CLEC4F: variants seen among roughly 807,000 people sequenced by gnomAD.
The protein encoded by CLEC4F is C-type lectin domain family 4 member F, also known as C-type (calcium dependent, carbohydrate-recognition domain) lectin, superfamily member 13.
In CLEC4F, 45 loss-of-function variants were observed where a neutral mutation model predicts 53.4. That is an observed-to-expected ratio of 0.84 (90% CI 0.66 to 1.08). CLEC4F has a LOEUF of 1.08. Among genes scored for constraint, CLEC4F ranks in the 50% least tolerant of loss-of-function variants. The pLI is 0.00. For missense variants in CLEC4F, 753 were observed against 698.2 expected, an observed-to-expected ratio of 1.08 and a Z score of -0.88; for synonymous variants, 245 against 257.5, an observed-to-expected ratio of 0.95 and a Z score of 0.46.
chr2:70,811,383 T>C lies in CLEC4F; in HGVS notation c.1539+1064A>G, dbSNP rs562669401. ...AGCAGCTAGTGTACTGTCCATTTTA[T>C]CAAAGGATTCATCAGGCCAATTATA... On this transcript the variant is annotated intron_variant, in intron 5 of 6. Transcript: ENST00000272367. 1.7e-5 allele frequency: 13 copies of C among 782,988 alleles called. No homozygotes were observed. The East Asian group carries it at 3.9e-4, about 24-fold the overall frequency. The allele number at this position is 782,988 out of a possible 1,614,324, so 48.5% of individuals were successfully genotyped here.
At chr2:70,822,622 T>A (rs1548891), upstream of CLEC4F, among the ~76,000 whole-genome samples, 1 of 152,104 alleles carries the variant, frequency 6.6e-6, no homozygotes, top group Admixed American at 6.5e-5. Context: ...AAGCCAGTGC[T>A]GGGGTTACCA....
intron 5 of CLEC4F, among the ~76,000 whole-genome samples, chr2:70,811,847 G>A (rs532722773): frequency 6.6e-6 from 1 of 152,234 alleles, no homozygotes; most frequent in South Asian, 2.1e-4. Flanking sequence ...CCACTTCGGT[G>A]AATAACTTGA....
Position 70,809,755 on chromosome 2 carries a change from C to A in CLEC4F, c.1642G>T (p.Ala548Ser), listed in dbSNP as rs1302121141. The A allele has an allele frequency of 6.2e-7, 1 of 1,613,904 alleles. No homozygotes were observed. The highest frequency in any genetic ancestry group is 1.7e-5 in the Admixed American group (1 of 60,028). Residue 548 changes from alanine to serine, a missense_variant, in exon 6 of 7, where the codon GCC becomes TCC. By Grantham distance (99) the Ala-to-Ser change is moderately conservative. Transcript: ENST00000272367. ...TAGACTCACGCTTTGTTCTGGGCGG[C>A]GTTGAATGGTGTCCCATCTGTCCAG... The part of the protein sequence containing the change: ...WRWTDGTPFN[A>S]AQNKAPGSKG...
At position 70,816,419 on chromosome 2, in the gene CLEC4F, C is replaced by A. The variant is rs1278296994; in HGVS notation, c.962G>T (p.Arg321Ile). The A allele has an allele frequency of 1.2e-6, 2 of 1,614,000 alleles. No homozygotes were observed. The highest frequency in any genetic ancestry group is 1.3e-5 in the African/African-American group (1 of 74,922). The stretch of plus-strand genomic sequence containing the variant: ...ATCACCAGCTCTTTCCAAATGACCT[C>A]TTAAGAACTGGATCTCAGCACTAGT... ...DNTSAEIQFL[R>I]GHLERAGDEI... The change falls in exon 4 of 7, where the codon AGA becomes ATA. Residue 321 changes from arginine to isoleucine, a missense_variant. By Grantham distance (97) the Arg-to-Ile change is moderately conservative. Transcript: ENST00000272367.
Position 70,820,553 on chromosome 2 carries a change from C to G in CLEC4F, c.-30G>C, listed in dbSNP as rs199899515. 7.7e-5 allele frequency: 121 copies of G among 1,566,898 alleles called. No individual in the cohort carries two copies. The highest frequency in any genetic ancestry group is 9.8e-5 in the Non-Finnish European group (113 of 1,154,372). ...GCTTCCTTGATCCTCCAGCACTGCT[C>G]CCAGCCACTGGCTCCTGGAAGGGCC... On this transcript the variant is annotated 5_prime_UTR_variant, in exon 1 of 7. Transcript: ENST00000272367.
upstream of CLEC4F, among the ~76,000 whole-genome samples, chr2:70,824,621 C>CAA (rs1388918958): frequency 6.2e-3 from 238 of 38,240 alleles, 20 homozygotes; most frequent in South Asian, 0.01. Context: ...TGCTTAGTTA[C>CAA]CAAAAAAAAA....
upstream of CLEC4F, among the ~76,000 whole-genome samples, chr2:70,824,609 G>A (rs74446988): frequency 0.59 from 62,555 of 105,372 alleles, 18,293 homozygotes; most frequent in Middle Eastern, 0.72. Context: ...AAAGTAAGGA[G>A]ATGCTTAGTT....
upstream of CLEC4F, among the ~76,000 whole-genome samples, chr2:70,824,304 T>C (rs1221386565): frequency 6.6e-6 from 1 of 152,120 alleles, no homozygotes; most frequent in Non-Finnish European, 1.5e-5. Context: ...TTTTATTCCG[T>C]TCGTCTCCTA....
rs1676388681 is a variant in CLEC4F at position 70,809,027 on chromosome 2, C to T, written c.*244G>A. 6.8e-7 allele frequency: 1 copy of T among 1,473,478 alleles called. No homozygotes were observed. Among genetic ancestry groups the T allele is most frequent in the Non-Finnish European group, 9.2e-7 (1 of 1,089,518 alleles). The allele number at this position is 1,473,478 out of a possible 1,614,324, so 91.3% of individuals were successfully genotyped here. On this transcript the variant is annotated 3_prime_UTR_variant, in exon 7 of 7. Transcript: ENST00000272367. The stretch of plus-strand genomic sequence containing the variant: ...TTCTGCTGAATTTGGACACAGTCTT[C>T]AGTCTGCCCATTCTTGTGCCGCCAG...
At chr2:70,812,316 A>T (rs917896868) in intron 5 of CLEC4F, 131 bp downstream of exon 5, 1 of 938,700 alleles carries the variant, frequency 1.1e-6, no homozygotes, top group African/African-American at 1.7e-5. Context: ...CTCACTCAAT[A>T]TTTGCTCCCT....
intron 2 of CLEC4F, 72 bp downstream of exon 2, chr2:70,819,703 A>T: frequency 9.0e-7 from 1 of 1,116,834 alleles, no homozygotes; most frequent in Non-Finnish European, 1.3e-6. Context: ...GAGAGTGTGC[A>T]TCTGGGGCCC....
Position 70,811,282 on chromosome 2 carries a change from C to T in CLEC4F, c.1539+1165G>A, listed in dbSNP as rs1676545509. The T allele has an allele frequency of 3.9e-6, 4 of 1,031,406 alleles. No homozygotes were observed. In the South Asian group the frequency reaches 5.0e-5, roughly 13 times the overall value. The allele number at this position is 1,031,406 out of a possible 1,614,324, so 63.9% of individuals were successfully genotyped here. On this transcript the variant is annotated intron_variant, in intron 5 of 6. Transcript: ENST00000272367. Reference sequence around the variant, plus strand: ...ATGTCATACTTCCATACACCTTCATCTTGGCCTTTAGGTGCTTCAAGAATT... The same window carrying T: ...ATGTCATACTTCCATACACCTTCATTTTGGCCTTTAGGTGCTTCAAGAATT...
chr2:70,823,518 G>A (rs1274762620), upstream of CLEC4F, among the ~76,000 whole-genome samples: 1 of 152,202 alleles, frequency 6.6e-6, no homozygotes, highest in Admixed American at 6.5e-5. Context: ...AACCTCGAAG[G>A]CAGAACTCTA....
intron 1 of CLEC4F, 80 bp from the exon 2 acceptor site, chr2:70,819,971 T>C (rs1574385001): frequency 2.4e-5 from 22 of 899,838 alleles, no homozygotes; most frequent in Non-Finnish European, 3.5e-5. Context: ...AGACACAGCC[T>C]CTCTGATTCT....
At position 70,819,827 on chromosome 2, in the gene CLEC4F, C is replaced by A; in HGVS notation, c.126G>T (p.Pro42=). The change falls in exon 2 of 7, where the codon CCG becomes CCT. Residue 42 remains proline (P), a synonymous_variant. Transcript: ENST00000272367. ...PKIPRLVQAT[P]AFMAVTLVFS... is the part of the protein sequence containing the mutation. ...AGACCAAGGTCACAGCCATAAATGC[C>A]GGGGTAGCCTGAACGAGCCTCGGTA... 2 of 1,609,370 alleles carry A rather than the reference C, an allele frequency of 1.2e-6. No homozygotes were observed. Among genetic ancestry groups the A allele is most frequent in the Non-Finnish European group, 1.7e-6 (2 of 1,177,836 alleles).
intron 6 of CLEC4F, 22 bp from the exon 7 acceptor site, chr2:70,809,404 A>T (rs782144308): frequency 6.3e-7 from 1 of 1,582,124 alleles, no homozygotes; most frequent in East Asian, 2.2e-5. Context: ...AGGGGGAAAA[A>T]AACAGAAAGA....
At chr2:70,814,282 C>T (rs538669171) in intron 4 of CLEC4F, among the ~76,000 whole-genome samples, 3 of 152,256 alleles carry the variant, frequency 2.0e-5, no homozygotes, top group African/African-American at 7.2e-5. Context: ...CAGATTTGCA[C>T]TGGAAAAACG....
upstream of CLEC4F, among the ~76,000 whole-genome samples, chr2:70,823,237 GA>G (rs1187067345): frequency 2.6e-5 from 4 of 152,150 alleles, no homozygotes; most frequent in Admixed American, 6.5e-5. Context: ...CCTTAGAGAG[GA>G]GGGCACAGCA....
chr2:70,823,987 G>A (rs1257743400), upstream of CLEC4F, among the ~76,000 whole-genome samples: 12 of 141,222 alleles, frequency 8.5e-5, no homozygotes, highest in African/African-American at 1.8e-4. Flanking sequence ...CCGAGATTGT[G>A]CCACTGCACT....
Sources: gnomAD v4.1 joint callset for allele counts (sites outside exome capture counted in the v4.1 genomes callset) on GRCh38, gnomAD v4.1.1 for gene constraint, MANE v1.5 for transcripts, NCBI Gene and HGNC (gene_info 2026-07-23, HGNC 2026-07-21) for gene names.